Variants in ERC1 observed in about 807,000 individuals in gnomAD.
The protein encoded by ERC1 is RAB6 interacting protein 2.
A neutral mutation model predicts 132.0 loss-of-function variants in ERC1; 56 were observed. The observed-to-expected ratio is 0.42, with a 90% CI of 0.34 to 0.53. The LOEUF is 0.53. Ranked by LOEUF, ERC1 falls within the 20% of genes least tolerant of loss-of-function variation. The pLI, the probability that ERC1 is intolerant of heterozygous loss-of-function variation, is 0.03. For synonymous variants in ERC1, 478 were observed against 476.1 expected, an observed-to-expected ratio of 1.00 and a Z score of -0.05; for missense variants, 1,202 against 1,349.9, an observed-to-expected ratio of 0.89 and a Z score of 1.72.
chr12:1,458,400 A>C lies in ERC1; in HGVS notation c.3213+13650A>C, dbSNP rs147837316. On this transcript the variant is annotated intron_variant, in intron 18 of 18. Coordinates refer to ENST00000360905, the MANE Select transcript of ERC1 (RefSeq NM_178040.4). ...AAAGAGTAAAGACAAATCCTATCGT[A>C]TTGGATTGTTTTTAGAGGTATTGAT... Among the ~76,000 whole-genome samples the C allele has an allele frequency of 2.7e-4, 41 of 152,222 alleles. No homozygotes were observed. In the East Asian group the frequency reaches 7.9e-3, roughly 29 times the overall value.
chr12:1,154,604 A>G (rs1005220583), intron 8 of ERC1, among the ~76,000 whole-genome samples: 2 of 152,184 alleles, frequency 1.3e-5, no homozygotes, highest in Non-Finnish European at 1.5e-5. Flanking sequence ...GTACAGCAAA[A>G]TAAATAATCA....
At chr12:1,255,511 G>A (rs1481091881) in intron 13 of ERC1, among the ~76,000 whole-genome samples, 4 of 151,382 alleles carry the variant, frequency 2.6e-5, no homozygotes, top group African/African-American at 4.8e-5. Flanking sequence ...AGATCCTTGA[G>A]GAATCACCAC....
chr12:1,047,202 CTA>C (rs112056946), intron 2 of ERC1, among the ~76,000 whole-genome samples: 3 of 152,218 alleles, frequency 2.0e-5, no homozygotes, highest in African/African-American at 7.2e-5. Flanking sequence ...ATAAATTACA[CTA>C]TTAACTTGGT....
intron 10 of ERC1, among the ~76,000 whole-genome samples, chr12:1,182,531 T>C (rs1954595487): frequency 6.6e-6 from 1 of 152,244 alleles, no homozygotes; most frequent in African/African-American, 2.4e-5. Flanking sequence ...TGCCTCATGC[T>C]ATGTAATCAG....
chr12:1,085,002 A>G (rs7969678), intron 3 of ERC1, among the ~76,000 whole-genome samples: 1,159 of 50,896 alleles, frequency 0.023, 203 homozygotes, highest in Middle Eastern at 0.088. Context: ...TGCCTGGCCC[A>G]TTATTATTAT....
Position 1,255,725 on chromosome 12 carries a change from CG to C in ERC1, c.2488-7306del, listed in dbSNP as rs370855875. On this transcript the variant is annotated intron_variant, in intron 13 of 18. Coordinates refer to ENST00000360905, the MANE Select transcript of ERC1 (RefSeq NM_178040.4). The stretch of plus-strand genomic sequence containing the variant: ...TCGGCTCACTGCAAGTTCTGCCTCC[CG>C]GGTTCACGCCATTCTCCTGCCTCAG... Among the ~76,000 whole-genome samples the C allele has an allele frequency of 7.4e-4, 109 of 147,728 alleles. 4 individuals are homozygous for C. In the South Asian group the frequency reaches 0.023, roughly 31 times the overall value.
At chr12:1,336,237 A>T (rs1211574868) in intron 15 of ERC1, among the ~76,000 whole-genome samples, 1 of 151,102 alleles carries the variant, frequency 6.6e-6, no homozygotes, top group Non-Finnish European at 1.5e-5. Flanking sequence ...ATGGGTTTTC[A>T]TGTCTCAGTG....
chr12:1,484,921 C>T (rs1173531383), intron 18 of ERC1, among the ~76,000 whole-genome samples: 6 of 149,592 alleles, frequency 4.0e-5, no homozygotes, highest in Non-Finnish European at 7.4e-5. Flanking sequence ...CGCTGTGTTG[C>T]GCAGGCTAGA....
At chr12:1,408,084 C>T (rs1240676070) in intron 16 of ERC1, 65 bp from the exon 17 acceptor site, 8 of 1,085,020 alleles carry the variant, frequency 7.4e-6, no homozygotes, top group Admixed American at 1.9e-5. Context: ...TTAAAATACT[C>T]GTTACTTTAC....
rs1227950048 is a variant in ERC1 at position 1,483,769 on chromosome 12, A to T, written c.3214-6324A>T. The stretch of plus-strand genomic sequence containing the variant: ...CAGTGGCGCGATCTCGCCTTACTGC[A>T]ACCTCCGCCTCTGGGGTTCAAGCTT... On this transcript the variant is annotated intron_variant, in intron 18 of 18. Transcript: ENST00000360905. 1.0e-4 allele frequency among the ~76,000 whole-genome samples: 14 copies of T among 133,860 alleles called. No homozygotes were observed. In the East Asian group the frequency reaches 2.9e-3, roughly 28 times the overall value. 87.8% of individuals were successfully genotyped at this position (133,860 alleles called of 152,430 possible).
At chr12:1,138,085 A>AATATATAATAAATATTATAATATAATT in intron 7 of ERC1, among the ~76,000 whole-genome samples, 1 of 94,528 alleles carries the variant, frequency 1.1e-5, no homozygotes, top group Admixed American at 1.1e-4. Flanking sequence ...TATTATATAT[A>AATATATAATAAATATTATAATATAATT]ATATATAATC....
intron 16 of ERC1, among the ~76,000 whole-genome samples, chr12:1,405,180 T>TAAATAAATAAATAAAA (rs754386786): frequency 7.3e-6 from 1 of 137,290 alleles, no homozygotes; most frequent in African/African-American, 2.8e-5. Context: ...AATAAATAAA[T>TAAATAAATAAATAAAA]ATAAATAAAA....
At chr12:1,371,252 CT>C (rs35301182) in intron 15 of ERC1, among the ~76,000 whole-genome samples, 72,583 of 151,940 alleles carry the variant, frequency 0.48, 18,901 homozygotes, top group African/African-American at 0.69. Flanking sequence ...GTGAGTTTGA[CT>C]GTTTTAGATC....
chr12:1,484,071 T>TAAAGG (rs1208349351), intron 18 of ERC1, among the ~76,000 whole-genome samples: 1 of 150,896 alleles, frequency 6.6e-6, no homozygotes, highest in African/African-American at 2.4e-5. Flanking sequence ...TTTGGGAGGC[T>TAAAGG]GAGGCGGGCG....
At chr12:1,075,291 G>A (rs1005233395) in intron 2 of ERC1, among the ~76,000 whole-genome samples, 3 of 152,056 alleles carry the variant, frequency 2.0e-5, no homozygotes, top group African/African-American at 7.2e-5. Flanking sequence ...CTGTTGACCA[G>A]GGGCCTGATA....
intron 14 of ERC1, among the ~76,000 whole-genome samples, chr12:1,272,946 T>TA (rs56750908): frequency 0.067 from 5,890 of 87,468 alleles, 367 homozygotes; most frequent in Middle Eastern, 0.11. Context: ...AGACTCCGTC[T>TA]AAAAAAAAAA....
chr12:1,334,245 T>TA, intron 15 of ERC1, among the ~76,000 whole-genome samples: 3 of 152,242 alleles, frequency 2.0e-5, no homozygotes, highest in Non-Finnish European at 4.4e-5. Flanking sequence ...ACATAGATCC[T>TA]GTTCATCAAT....
In ERC1 at chr12:1,134,660, GA is replaced by G. The variant is rs373197803; in HGVS notation, c.1570-6959del. ...AGCCACCGCACCTGGCCCTAATTTT[GA>G]GTGTAGCAAATATTGATAGATATAA... On this transcript the variant is annotated intron_variant, in intron 7 of 18. Transcript: ENST00000360905. 2.2e-4 allele frequency among the ~76,000 whole-genome samples: 34 copies of G among 151,608 alleles called. No individual in the cohort carries two copies. In the East Asian group the frequency reaches 6.2e-3, roughly 28 times the overall value.
At chr12:1,218,225 C>G (rs1423690862) in intron 12 of ERC1, among the ~76,000 whole-genome samples, 1 of 152,178 alleles carries the variant, frequency 6.6e-6, no homozygotes, top group African/African-American at 2.4e-5. Flanking sequence ...GAGCCTTTGC[C>G]TGAATAGTGC....
Sources: allele counts gnomAD v4.1 joint callset (sites outside exome capture counted in the v4.1 genomes callset), GRCh38; gene constraint gnomAD v4.1.1; transcripts MANE v1.5; gene names NCBI Gene and HGNC (gene_info 2026-07-23, HGNC 2026-07-21).